Variants in PIK3R5 observed in about 807,000 individuals in gnomAD.
PIK3R5 encodes the protein phosphoinositide 3-kinase regulatory subunit 5.
In PIK3R5, 32 loss-of-function variants were observed where a neutral mutation model predicts 94.9. That is an observed-to-expected ratio of 0.34 (90% confidence interval 0.25 to 0.45). PIK3R5 has a LOEUF of 0.45. Among genes scored for constraint, PIK3R5 ranks in the 20% least tolerant of loss-of-function variants. The pLI is 1.00. For synonymous variants in PIK3R5, 443 were observed against 479.4 expected (o/e 0.92, Z 0.99); for missense variants, 853 against 1,144.6 (o/e 0.75, Z 3.68).
chr17:8,936,659 C>G (rs1306133939), intron 1 of PIK3R5, among the ~76,000 whole-genome samples: 1 of 152,180 alleles, frequency 6.6e-6, no homozygotes, highest in Non-Finnish European at 1.5e-5. Flanking sequence ...GTAAGTCTTA[C>G]AAGTCTCTAT....
At position 8,881,690 on chromosome 17, in the gene PIK3R5, C is replaced by T. The variant is rs781732119; in HGVS notation, c.2322G>A (p.Thr774=). The T allele has an allele frequency of 2.4e-5, 38 of 1,613,802 alleles. No individual in the cohort carries two copies. Among genetic ancestry groups the T allele is most frequent in the South Asian group, 3.3e-5 (3 of 91,018 alleles). The part of the protein sequence containing the change: ...EELDSSMEAL[T]LNLTEVVKRQ... ...TTTTCACCACTTCTGTCAGGTTTAG[C>T]GTCAGGGCCTCCATGCTGGAATCTG... is the stretch of plus-strand genomic sequence containing the variant. The change falls in exon 17 of 19, where the codon ACG becomes ACA. Residue 774 remains threonine (T), a synonymous_variant. Transcript: ENST00000447110. This position sits in a 1 kb window ranked among gnomAD's most constrained non-coding sequence, Gnocchi z 4.8.
intron 1 of PIK3R5, among the ~76,000 whole-genome samples, chr17:8,964,435 A>G (rs971075035): frequency 2.0e-5 from 3 of 152,156 alleles, no homozygotes; most frequent in African/African-American, 7.2e-5. Context: ...ATGGGTCAGT[A>G]TGACAGCCCA....
chr17:8,942,894 C>G (rs577752820), intron 1 of PIK3R5, among the ~76,000 whole-genome samples: 1 of 152,040 alleles, frequency 6.6e-6, no homozygotes, highest in South Asian at 2.1e-4. Flanking sequence ...GTGTGAACCA[C>G]TGCACCCGGC....
At chr17:8,915,480 C>T (rs2090612196) in intron 1 of PIK3R5, among the ~76,000 whole-genome samples, 1 of 152,006 alleles carries the variant, frequency 6.6e-6, no homozygotes, top group Non-Finnish European at 1.5e-5. Flanking sequence ...CCACATCTAT[C>T]TACACCAGCT....
intron 1 of PIK3R5, among the ~76,000 whole-genome samples, chr17:8,948,346 TG>T (rs1348229837): frequency 6.6e-6 from 1 of 152,166 alleles, no homozygotes; most frequent in Non-Finnish European, 1.5e-5. Flanking sequence ...GCAGAAAATA[TG>T]TATTGAGGGT....
Position 8,904,974 on chromosome 17 carries a change from C to A in PIK3R5, c.274-59G>T. On this transcript the variant is annotated intron_variant, in intron 4 of 18. Coordinates refer to ENST00000447110, the MANE Select transcript of PIK3R5 (RefSeq NM_001142633.3). The surrounding 1 kb of genome is among the most constrained non-coding windows in gnomAD (Gnocchi z 5.1). ...TAGGTGAGAAAAGGCTCAGATAGTC[C>A]CAGACAGCTTCTGCTCCCTTTCTGG... is the stretch of plus-strand genomic sequence containing the variant. The A allele has an allele frequency of 6.5e-7, 1 of 1,549,918 alleles. No homozygotes were observed. The highest frequency in any genetic ancestry group is 8.8e-7 in the Non-Finnish European group (1 of 1,135,272).
intron 1 of PIK3R5, among the ~76,000 whole-genome samples, chr17:8,959,005 G>A (rs777824926): frequency 5.9e-5 from 9 of 152,114 alleles, no homozygotes; most frequent in South Asian, 2.1e-4. Flanking sequence ...TGATCTGCCC[G>A]CCTCGGCCTC....
intron 1 of PIK3R5, among the ~76,000 whole-genome samples, chr17:8,937,663 T>C (rs1478991906): frequency 1.3e-5 from 2 of 152,216 alleles, no homozygotes; most frequent in Non-Finnish European, 2.9e-5. Flanking sequence ...TTTACACCTA[T>C]ATTAATGAAA....
intron 1 of PIK3R5, among the ~76,000 whole-genome samples, chr17:8,937,243 T>C (rs772326251): frequency 2.0e-5 from 3 of 152,230 alleles, no homozygotes; most frequent in Admixed American, 1.3e-4. Flanking sequence ...TTTCATCTCC[T>C]TTTCTTATAT....
intron 3 of PIK3R5, among the ~76,000 whole-genome samples, chr17:8,906,623 T>C (rs1308424286): frequency 7.9e-5 from 12 of 152,152 alleles, no homozygotes; most frequent in Non-Finnish European, 1.5e-5. Context: ...TGGCTCATGC[T>C]TGTAATCTCA....
intron 1 of PIK3R5, among the ~76,000 whole-genome samples, chr17:8,964,998 T>C (rs1308871638): frequency 6.7e-5 from 6 of 89,690 alleles, no homozygotes; most frequent in African/African-American, 1.9e-4. Flanking sequence ...CACATGCGCA[T>C]GCCCACACAC....
At chr17:8,947,662 TG>T (rs1255723090) in intron 1 of PIK3R5, among the ~76,000 whole-genome samples, 1 of 152,136 alleles carries the variant, frequency 6.6e-6, no homozygotes, top group African/African-American at 2.4e-5. Flanking sequence ...TGTGACTTCC[TG>T]GGGCATACGT....
chr17:8,895,698 A>G (rs1234210450), intron 5 of PIK3R5, among the ~76,000 whole-genome samples: 1 of 152,166 alleles, frequency 6.6e-6, no homozygotes, highest in Non-Finnish European at 1.5e-5. Flanking sequence ...GGATTGTGCT[A>G]CAGTTAGAAT....
At chr17:8,944,015 A>AT (rs2091232242) in intron 1 of PIK3R5, among the ~76,000 whole-genome samples, 1 of 151,390 alleles carries the variant, frequency 6.6e-6, no homozygotes, top group South Asian at 2.1e-4. Flanking sequence ...CCCAATAGTT[A>AT]TTTTTTTCTG....
rs1028408748 is a variant in PIK3R5, at chr17:8,880,400, T to C, written c.*239A>G. On this transcript the variant is annotated 3_prime_UTR_variant, in exon 19 of 19. Coordinates refer to ENST00000447110, the MANE Select transcript of PIK3R5 (RefSeq NM_001142633.3). ...GTCAATTTACCCATCCTTCTCCTTC[T>C]ACTGCCAGGAATCTAAGAGGCTATG... The C allele has an allele frequency of 1.9e-4, 82 of 424,526 alleles. No individual in the cohort carries two copies. Among genetic ancestry groups the C allele is most frequent in the Non-Finnish European group, 3.2e-4 (78 of 240,032 alleles). The allele number at this position is 424,526 out of a possible 1,614,324, so 26.3% of individuals were successfully genotyped here.
At position 8,888,554 on chromosome 17, in the gene PIK3R5, G is replaced by A; in HGVS notation, c.1233C>T (p.Arg411=). 1 of 1,611,990 alleles carries A rather than the reference G, an allele frequency of 6.2e-7. No homozygotes were observed. Among genetic ancestry groups the A allele is most frequent in the South Asian group, 1.1e-5 (1 of 90,976 alleles). ...EWPWRRGSQE[R]RGHRRPGQKF... ...TCTGCCCAGGCCTGCGGTGGCCTCGGCGTTCCTGGCTGCCACGCCTCCAAG... is the reference window on the plus strand; with the variant it reads ...TCTGCCCAGGCCTGCGGTGGCCTCGACGTTCCTGGCTGCCACGCCTCCAAG... Residue 411 remains arginine, a synonymous_variant, in exon 10 of 19, where the codon CGC becomes CGT. Transcript: ENST00000447110. This position sits in a 1 kb window ranked among gnomAD's most constrained non-coding sequence, Gnocchi z 7.8.
intron 1 of PIK3R5, among the ~76,000 whole-genome samples, chr17:8,953,154 G>A (rs1006673218): frequency 1.1e-4 from 16 of 152,166 alleles, no homozygotes; most frequent in African/African-American, 3.9e-4. Context: ...CCAGCATTGA[G>A]GGCTTGCTTC....
At chr17:8,920,189 T>C (rs1403838277) in intron 1 of PIK3R5, among the ~76,000 whole-genome samples, 1 of 151,844 alleles carries the variant, frequency 6.6e-6, no homozygotes, top group East Asian at 1.9e-4. Context: ...CGGCCCAGAG[T>C]GCTTTCTTAA....
chr17:8,887,464 C>T, intron 11 of PIK3R5, 57 bp downstream of exon 11: 1 of 1,534,938 alleles, frequency 6.5e-7, no homozygotes, highest in Non-Finnish European at 8.8e-7. Context: ...CAATCGGCTT[C>T]CTTCAGGTAG....
Sources: allele counts gnomAD v4.1 joint callset (sites outside exome capture counted in the v4.1 genomes callset), GRCh38; gene constraint gnomAD v4.1.1; non-coding constraint Gnocchi (gnomAD v3.1); transcripts MANE v1.5; gene names NCBI Gene and HGNC (gene_info 2026-07-23, HGNC 2026-07-21).